Variants in PXK observed in about 807,000 individuals in gnomAD.
PXK encodes the protein PX domain-containing protein kinase-like protein.
Under a neutral mutation model 84.7 loss-of-function variants are expected in PXK, and 35 were observed. That is an observed-to-expected ratio of 0.41 (90% CI 0.32 to 0.55). The LOEUF is 0.55. Ranked by LOEUF, PXK falls within the 20% of genes least tolerant of loss-of-function variation. PXK has a pLI of 0.21. For synonymous variants in PXK, 253 were observed against 260.8 expected (o/e 0.97, Z 0.29); for missense variants, 634 against 699.7 (o/e 0.91, Z 1.06).
chr3:58,361,220 C>T (rs1478701851), intron 1 of PXK, among the ~76,000 whole-genome samples: 4 of 146,792 alleles, frequency 2.7e-5, no homozygotes, highest in East Asian at 2.0e-4. Context: ...CACTTGAACC[C>T]GGGAGGCGGA....
chr3:58,366,658 C>T (rs550112309), intron 2 of PXK, among the ~76,000 whole-genome samples: 1 of 152,214 alleles, frequency 6.6e-6, no homozygotes, highest in Non-Finnish European at 1.5e-5. Flanking sequence ...ACACAGTTGT[C>T]CACACTTGGT....
intron 17 of PXK, chr3:58,423,573 G>GTT (rs35853090): frequency 0.34 from 520,152 of 1,530,004 alleles, 94,103 homozygotes; most frequent in Middle Eastern, 0.4. Context: ...TGAGTATTGT[G>GTT]TTGGTGATTC....
intron 17 of PXK, chr3:58,420,522 T>C (rs1486348141): frequency 6.5e-7 from 1 of 1,535,806 alleles, no homozygotes; most frequent in Non-Finnish European, 8.7e-7. Context: ...TCTCTCTCTC[T>C]TTGCTGTTTT....
Position 58,333,031 on chromosome 3 carries a change from G to A in PXK, c.43G>A (p.Asp15Asn). 7.3e-7 allele frequency: 1 copy of A among 1,363,172 alleles called. No individual in the cohort carries two copies. The highest frequency in any genetic ancestry group is 3.6e-5 in the East Asian group (1 of 27,880). The allele number at this position is 1,363,172 out of a possible 1,614,324, so 84.4% of individuals were successfully genotyped here. A position where few individuals can be genotyped will look rare whatever the true frequency, so the allele number is the denominator to read the frequency against. Reference protein sequence around the residue: ...EKPPAGKVLLDDTVPLTAAIE... With the variant: ...EKPPAGKVLLNDTVPLTAAIE... ...GCCGCCAGCCGGCAAGGTGCTGCTG[G>A]ACGACACGGTGCCGCTGACAGCAGC... The change falls in exon 1 of 18, where the codon GAC becomes AAC. Residue 15 changes from aspartate (D) to asparagine (N), a missense_variant. By Grantham distance (23) the Asp-to-Asn change is conservative. Around this residue, in one of 3 missense-constraint regions of PXK, gnomAD observed 353 missense variants for 385.2 expected, o/e 0.92. Transcript: ENST00000356151. This position sits in a 1 kb window ranked among gnomAD's most constrained non-coding sequence, Gnocchi z 5.4.
chr3:58,368,473 C>A (rs2098312228), intron 2 of PXK, among the ~76,000 whole-genome samples: 1 of 152,154 alleles, frequency 6.6e-6, no homozygotes, highest in Non-Finnish European at 1.5e-5. Flanking sequence ...CAGGTGCTCG[C>A]CACCATGCCC....
chr3:58,368,703 C>G (rs1576129475), intron 2 of PXK, among the ~76,000 whole-genome samples: 1 of 152,170 alleles, frequency 6.6e-6, no homozygotes, highest in Non-Finnish European at 1.5e-5. Context: ...TTTTCTGAGC[C>G]CCGATAGGGT....
At chr3:58,342,603 C>G (rs2097755925) in intron 1 of PXK, among the ~76,000 whole-genome samples, 2 of 144,182 alleles carry the variant, frequency 1.4e-5, no homozygotes. Flanking sequence ...CCAGTGCACT[C>G]CAGCCTGGGC....
At position 58,421,866 on chromosome 3, in the gene PXK, A is replaced by G; in HGVS notation, c.1529-2886A>G. The G allele has an allele frequency of 2.0e-6, 2 of 985,428 alleles. No individual in the cohort carries two copies. The highest frequency in any genetic ancestry group is 2.4e-6 in the Non-Finnish European group (2 of 829,930). 61.0% of individuals were successfully genotyped at this position (985,428 alleles called of 1,614,324 possible). Reference sequence around the variant, plus strand: ...TCGTAACTGAAGGTAAGCTGTTTGCAGCATCCCCCTTCCTGGGTGCAAATT... The same window carrying G: ...TCGTAACTGAAGGTAAGCTGTTTGCGGCATCCCCCTTCCTGGGTGCAAATT... On this transcript the variant is annotated intron_variant, in intron 17 of 17. Coordinates refer to ENST00000356151, the MANE Select transcript of PXK (RefSeq NM_017771.5). This position sits in a 1 kb window ranked among gnomAD's most constrained non-coding sequence, Gnocchi z 5.5.
rs2098482158 is a variant in PXK, at chr3:58,379,919, C to T, written c.202-2595C>T. Among the ~76,000 whole-genome samples, 1 of 151,946 alleles carries T rather than the reference C, an allele frequency of 6.6e-6. No homozygotes were observed. Among genetic ancestry groups the T allele is most frequent in the Non-Finnish European group, 1.5e-5 (1 of 67,986 alleles). On this transcript the variant is annotated intron_variant, in intron 3 of 17. Coordinates refer to ENST00000356151, the MANE Select transcript of PXK (RefSeq NM_017771.5). This position sits in a 1 kb window ranked among gnomAD's most constrained non-coding sequence, Gnocchi z 5.1. ...CTTAGGAGGTCGAGGCTACAGTGAG[C>T]GGTGATCATGCCACTGCACTTTAGC...
chr3:58,413,086 A>C (rs13071422), intron 17 of PXK, 123 bp downstream of exon 17: 1 of 1,055,730 alleles, frequency 9.5e-7, no homozygotes, highest in Non-Finnish European at 1.4e-6. Flanking sequence ...TCTCAAGAGA[A>C]ATCAGTGGGA....
chr3:58,403,991 A>T, intron 13 of PXK, 81 bp downstream of exon 13: 1 of 1,021,754 alleles, frequency 9.8e-7, no homozygotes, highest in Non-Finnish European at 1.4e-6. Context: ...AGCCAAAAAA[A>T]GAAAAGATAT....
chr3:58,420,757 TC>T, intron 17 of PXK: 1 of 1,399,606 alleles, frequency 7.1e-7, no homozygotes, highest in South Asian at 1.7e-5. Flanking sequence ...TCATCTATAT[TC>T]ATTTCATTTT....
At chr3:58,347,192 C>T (rs373355690) in intron 1 of PXK, among the ~76,000 whole-genome samples, 1 of 152,070 alleles carries the variant, frequency 6.6e-6, no homozygotes, top group African/African-American at 2.4e-5. Flanking sequence ...CGGCTGGTCT[C>T]GAATTCCTGG....
chr3:58,402,949 C>T (rs2058821574), intron 12 of PXK, among the ~76,000 whole-genome samples: 1 of 151,860 alleles, frequency 6.6e-6, no homozygotes, highest in African/African-American at 2.4e-5. Flanking sequence ...GCTGCTCTCC[C>T]CACCTCTCCC....
At position 58,390,674 on chromosome 3, in the gene PXK, C is replaced by A; in HGVS notation, c.466+15C>A. 1 of 1,604,712 alleles carries A rather than the reference C, an allele frequency of 6.2e-7. No homozygotes were observed. The highest frequency in any genetic ancestry group is 8.5e-7 in the Non-Finnish European group (1 of 1,173,662). On this transcript the variant is annotated intron_variant, in intron 5 of 17. Transcript: ENST00000356151. The surrounding 1 kb of genome is among the most constrained non-coding windows in gnomAD (Gnocchi z 4.2). ...GAAAGACATAGGTGAGACATTGGCACGCTCATTCTGTTAAAAAGACAGATC... is the reference window on the plus strand; with the variant it reads ...GAAAGACATAGGTGAGACATTGGCAAGCTCATTCTGTTAAAAAGACAGATC...
chr3:58,381,829 G>A (rs1034292091), intron 3 of PXK, among the ~76,000 whole-genome samples: 1 of 152,058 alleles, frequency 6.6e-6, no homozygotes, highest in East Asian at 1.9e-4. Context: ...ATTCCCCATT[G>A]TCAAAAGATC....
In PXK at chr3:58,390,565, C is replaced by G; in HGVS notation, c.389-17C>G. The G allele has an allele frequency of 6.2e-7, 1 of 1,607,466 alleles. No homozygotes were observed. Among genetic ancestry groups the G allele is most frequent in the Non-Finnish European group, 8.5e-7 (1 of 1,175,646 alleles). ...CCTGATATGTCTGACTAATGGGTTT[C>G]TAAAATGTCTTTGCAGAGATTGCCT... On this transcript the variant is annotated splice_polypyrimidine_tract_variant and intron_variant, in intron 4 of 17. Coordinates refer to ENST00000356151, the MANE Select transcript of PXK (RefSeq NM_017771.5). This position sits in a 1 kb window ranked among gnomAD's most constrained non-coding sequence, Gnocchi z 4.2.
chr3:58,395,766 G>A lies in PXK; in HGVS notation c.822+7G>A, dbSNP rs769372330. On this transcript the variant is annotated splice_region_variant and intron_variant, in intron 9 of 17. Coordinates refer to ENST00000356151, the MANE Select transcript of PXK (RefSeq NM_017771.5). ...TGGACGGCAAATATTAGAGGTAAGA[G>A]GTACTTTTGTTTAAGTTGCATTCAG... is the stretch of plus-strand genomic sequence containing the variant. 6.3e-7 allele frequency: 1 copy of A among 1,594,238 alleles called. No individual in the cohort carries two copies. Among genetic ancestry groups the A allele is most frequent in the Non-Finnish European group, 8.6e-7 (1 of 1,165,280 alleles).
chr3:58,376,308 G>A (rs936053946), intron 3 of PXK, among the ~76,000 whole-genome samples: 11 of 152,004 alleles, frequency 7.2e-5, no homozygotes, highest in African/African-American at 1.7e-4. Context: ...CCACTTACTC[G>A]GGAGGCTGAG....
Sources: gnomAD v4.1 joint callset for allele counts (sites outside exome capture counted in the v4.1 genomes callset) on GRCh38, gnomAD v4.1.1 for gene constraint, gnomAD v4.1.1 regional missense constraint, Gnocchi (gnomAD v3.1) non-coding constraint, MANE v1.5 for transcripts, NCBI Gene and HGNC (gene_info 2026-07-23, HGNC 2026-07-21) for gene names.